The following DNAH8 variants were observed in gnomAD, a reference collection of about 807,000 sequenced individuals.
DNAH8 encodes the protein dynein axonemal heavy chain 8.
DNAH8 carries 382 observed loss-of-function variants against 562.1 expected under a neutral mutation model. That is an observed-to-expected ratio of 0.68 (90% CI 0.63 to 0.74). DNAH8 has a LOEUF of 0.74. DNAH8 is among the 30% of genes least tolerant of loss of function. The probability of loss-of-function intolerance (pLI) is 0.00; values close to 1 mark genes in which losing one functional copy is unlikely to be tolerated. For missense variants in DNAH8, 5,203 were observed against 5,620.4 expected, an observed-to-expected ratio of 0.93 and a Z score of 2.37; for synonymous variants, 1,881 against 1,919.4, an observed-to-expected ratio of 0.98 and a Z score of 0.52.
intron 44 of DNAH8, 77 bp downstream of exon 44, chr6:38,862,535 C>A: frequency 2.7e-6 from 4 of 1,481,234 alleles, no homozygotes; most frequent in Non-Finnish European, 3.7e-6. Flanking sequence ...TGATATAAAT[C>A]CAAAGTGACG....
chr6:38,928,248 G>T (rs531489496), intron 74 of DNAH8: 4 of 152,206 alleles, frequency 2.6e-5, no homozygotes, highest in Admixed American at 1.3e-4. Context: ...ACCTGAAATT[G>T]GGATTCCAAA....
At chr6:38,855,164 T>C (rs1395786385) in intron 41 of DNAH8, among the ~76,000 whole-genome samples, 1 of 151,970 alleles carries the variant, frequency 6.6e-6, no homozygotes, top group African/African-American at 2.4e-5. Context: ...TATCTGAAAT[T>C]GTTTAAAATT....
In DNAH8 at chr6:38,823,029, G is replaced by A; in HGVS notation, c.3715G>A (p.Val1239Met). ...TLWTEDRDVK[V>M]KEFLANNPSL... ...CTGGACAGAGGACCGCGATGTGAAA[G>A]TGAAGGTGTCTTTCTGCTACTTGTG... Residue 1239 changes from valine to methionine, a missense_variant, in exon 27 of 93, where the codon GTG becomes ATG. Transcript: ENST00000327475. 6.4e-7 allele frequency: 1 copy of A among 1,570,672 alleles called. No homozygotes were observed. The highest frequency in any genetic ancestry group is 8.6e-7 in the Non-Finnish European group (1 of 1,164,432).
At chr6:38,975,193 C>T (rs1232005991) in intron 85 of DNAH8, among the ~76,000 whole-genome samples, 1 of 152,150 alleles carries the variant, frequency 6.6e-6, no homozygotes, top group South Asian at 2.1e-4. Context: ...TTTATGATTA[C>T]CAAGCAACTT....
rs1764532469 is a variant in DNAH8 at position 38,741,695 on chromosome 6, AT to A, written c.1117-9del. 11 of 1,566,672 alleles carry A rather than the reference AT, an allele frequency of 7.0e-6. No individual in the cohort carries two copies. Among genetic ancestry groups the A allele is most frequent in the Middle Eastern group, 1.7e-4 (1 of 5,840 alleles). On this transcript the variant is annotated splice_polypyrimidine_tract_variant and intron_variant, in intron 7 of 92. Transcript: ENST00000327475. Reference sequence around the variant, plus strand: ...AATGTAACATTTCTATATTTTATAAATTTTTTTGACTGCAGGTACTTATTGA... The same window carrying A: ...AATGTAACATTTCTATATTTTATAAATTTTTTGACTGCAGGTACTTATTGA...
intron 64 of DNAH8, among the ~76,000 whole-genome samples, chr6:38,908,403 C>T (rs771504860): frequency 1.1e-4 from 16 of 152,166 alleles, no homozygotes; most frequent in Admixed American, 2.0e-4. Context: ...GTAACCTCGT[C>T]CAGCTCCACC....
At chr6:38,813,986 G>T (rs1772022972) in intron 24 of DNAH8, 68 bp from the exon 25 acceptor site, 3 of 1,113,388 alleles carry the variant, frequency 2.7e-6, no homozygotes, top group Non-Finnish European at 2.7e-6. Flanking sequence ...ACTGAATTTT[G>T]TAGCATAATA....
At position 38,852,743 on chromosome 6, in the gene DNAH8, C is replaced by CA; in HGVS notation, c.5520dup (p.Asp1841ArgfsTer3). On this transcript the variant is annotated frameshift_variant, in exon 40 of 93. Coordinates refer to ENST00000327475, the MANE Select transcript of DNAH8 (RefSeq NM_001206927.2). LOFTEE classifies it high-confidence loss of function. ...AACATCAATGAGGTGACATTTCATG[C>CA]AAAAGACTATGATCGCATCATGGCC... 8 of 1,613,690 alleles carry CA rather than the reference C, an allele frequency of 5.0e-6. No individual in the cohort carries two copies. The highest frequency in any genetic ancestry group is 6.8e-6 in the Non-Finnish European group (8 of 1,179,786).
intron 10 of DNAH8, among the ~76,000 whole-genome samples, chr6:38,759,441 A>G (rs1310450283): frequency 6.6e-6 from 1 of 152,236 alleles, no homozygotes; most frequent in Non-Finnish European, 1.5e-5. Flanking sequence ...AGTTTTTTTA[A>G]AAAGCAAAGT....
chr6:38,761,553 C>G (rs1200159435), intron 10 of DNAH8, 149 bp from the exon 11 acceptor site: 4 of 384,172 alleles, frequency 1.0e-5, no homozygotes, highest in Non-Finnish European at 1.8e-5. Context: ...ACCTTGGCCT[C>G]CCAAAGTACT....
intron 13 of DNAH8, among the ~76,000 whole-genome samples, chr6:38,777,811 T>C (rs1219831647): frequency 6.6e-6 from 1 of 152,174 alleles, no homozygotes; most frequent in Non-Finnish European, 1.5e-5. Context: ...AGAGCAGCAA[T>C]GTCAGAAAAT....
chr6:39,022,223 T>C (rs533583593), intron 91 of DNAH8, among the ~76,000 whole-genome samples: 1 of 152,316 alleles, frequency 6.6e-6, no homozygotes, highest in South Asian at 2.1e-4. Flanking sequence ...TAAGTGTTTT[T>C]TTTTCTTCTC....
At chr6:38,811,705 T>G (rs967288465) in intron 24 of DNAH8, among the ~76,000 whole-genome samples, 1 of 152,212 alleles carries the variant, frequency 6.6e-6, no homozygotes, top group African/African-American at 2.4e-5. Flanking sequence ...TTTCGTTAGC[T>G]CTCTTTCTTA....
rs1182446024 is a variant in DNAH8, at chr6:38,971,571, G to A, written c.12452-21G>A. ...TGTAAGAGTTGTGTTTCATCATAGT[G>A]AACTTTCTCCTATGTTACAGAATGT... is the stretch of plus-strand genomic sequence containing the variant. On this transcript the variant is annotated intron_variant, in intron 82 of 92. Coordinates refer to ENST00000327475, the MANE Select transcript of DNAH8 (RefSeq NM_001206927.2). 15 of 1,465,686 alleles carry A rather than the reference G, an allele frequency of 1.0e-5. No individual in the cohort carries two copies. In the South Asian group the frequency reaches 2.0e-4, roughly 20 times the overall value. 90.8% of individuals were successfully genotyped at this position (1,465,686 alleles called of 1,614,324 possible).
rs552612681 is a variant in DNAH8, at chr6:38,990,952, G to A, written c.13214+780G>A. Among the ~76,000 whole-genome samples the A allele has an allele frequency of 3.9e-5, 6 of 152,338 alleles. No homozygotes were observed. The South Asian group carries it at 1.2e-3, about 32-fold the overall frequency. On this transcript the variant is annotated intron_variant, in intron 88 of 92. Coordinates refer to ENST00000327475, the MANE Select transcript of DNAH8 (RefSeq NM_001206927.2). ...GTTTACATTCAGGAAAATGGTTTCAGGAAGTGGAAGAAACCAAGACTCCTC... is the reference window on the plus strand; with the variant it reads ...GTTTACATTCAGGAAAATGGTTTCAAGAAGTGGAAGAAACCAAGACTCCTC...
chr6:39,030,654 A>T lies in DNAH8; in HGVS notation c.*262A>T. On this transcript the variant is annotated 3_prime_UTR_variant, in exon 93 of 93. Transcript: ENST00000327475. ...TTTTTAAAGATAAAACCCTGTTTGGATGTTAGAACACTTTGGAAGCTCTGA... is the reference window on the plus strand; with the variant it reads ...TTTTTAAAGATAAAACCCTGTTTGGTTGTTAGAACACTTTGGAAGCTCTGA... 1 of 371,202 alleles carries T rather than the reference A, an allele frequency of 2.7e-6. No individual in the cohort carries two copies. Among genetic ancestry groups the T allele is most frequent in the South Asian group, 4.0e-5 (1 of 25,190 alleles). The allele number at this position is 371,202 out of a possible 1,614,324, so 23.0% of individuals were successfully genotyped here. A position where few individuals can be genotyped will look rare whatever the true frequency, so the allele number is the denominator to read the frequency against.
At position 38,926,047 on chromosome 6, in the gene DNAH8, T is replaced by C. The variant is rs1423222584; in HGVS notation, c.10963-8T>C. On this transcript the variant is annotated splice_region_variant and splice_polypyrimidine_tract_variant and intron_variant, in intron 73 of 92. Coordinates refer to ENST00000327475, the MANE Select transcript of DNAH8 (RefSeq NM_001206927.2). Reference sequence around the variant, plus strand: ...TTTGAATGGTGATATCCATTTCCTGTTGTTCAGATTGGTGAGTGGGGGCTA... The same window carrying C: ...TTTGAATGGTGATATCCATTTCCTGCTGTTCAGATTGGTGAGTGGGGGCTA... 6.2e-7 allele frequency: 1 copy of C among 1,611,902 alleles called. No homozygotes were observed. The highest frequency in any genetic ancestry group is 1.3e-5 in the African/African-American group (1 of 74,840).
At chr6:38,883,699 A>T (rs1296298169) in intron 55 of DNAH8, among the ~76,000 whole-genome samples, 177 bp from the exon 56 acceptor site, 1 of 152,186 alleles carries the variant, frequency 6.6e-6, no homozygotes, top group Non-Finnish European at 1.5e-5. Flanking sequence ...AATGTAAATG[A>T]AGGATAAAAC....
chr6:38,805,796 A>T (rs1465643057), intron 23 of DNAH8, among the ~76,000 whole-genome samples, 200 bp downstream of exon 23: 1 of 152,180 alleles, frequency 6.6e-6, no homozygotes, highest in Non-Finnish European at 1.5e-5. Flanking sequence ...TTTTGATGTG[A>T]TTCTGTCAAT....
Sources: gnomAD v4.1 joint callset for allele counts (sites outside exome capture counted in the v4.1 genomes callset) on GRCh38, gnomAD v4.1.1 for gene constraint, MANE v1.5 for transcripts, NCBI Gene and HGNC (gene_info 2026-07-23, HGNC 2026-07-21) for gene names.